FGF14: variants seen among roughly 807,000 people sequenced by gnomAD.
FGF14 encodes fibroblast growth factor 14, also known as fibroblast growth factor homologous factor 4.
FGF14 carries 5 observed loss-of-function variants against 25.5 expected under a neutral mutation model. The ratio of observed to expected loss-of-function variants is 0.20; its 90% CI spans 0.10 to 0.41. FGF14 has a LOEUF of 0.41. Among genes scored for constraint, FGF14 ranks in the 10% least tolerant of loss-of-function variants. The pLI, the probability that FGF14 is intolerant of heterozygous loss-of-function variation, is 1.00. For synonymous variants in FGF14, 138 were observed against 118.3 expected, an observed-to-expected ratio of 1.17 and a Z score of -1.08; for missense variants, 222 against 320.1, an observed-to-expected ratio of 0.69 and a Z score of 2.34.
chr13:102,223,084 T>C (rs1331864107), intron 1 of FGF14, among the ~76,000 whole-genome samples: 2 of 152,216 alleles, frequency 1.3e-5, no homozygotes, highest in African/African-American at 2.4e-5. Flanking sequence ...CCTCATTTTC[T>C]ACAGTTCCAA....
At chr13:102,062,638 C>T (rs2042738459) in intron 1 of FGF14, among the ~76,000 whole-genome samples, 2 of 152,108 alleles carry the variant, frequency 1.3e-5, no homozygotes, top group South Asian at 4.1e-4. Context: ...TGAAATGAAT[C>T]ATTTGAAACA....
At chr13:102,135,233 G>A (rs1286856858) in intron 1 of FGF14, among the ~76,000 whole-genome samples, 1 of 151,908 alleles carries the variant, frequency 6.6e-6, no homozygotes, top group Non-Finnish European at 1.5e-5. Context: ...GAAAAAGACA[G>A]GATAAAAGTC....
At chr13:102,214,696 C>T (rs2050298872) in intron 1 of FGF14, among the ~76,000 whole-genome samples, 1 of 152,178 alleles carries the variant, frequency 6.6e-6, no homozygotes, top group Non-Finnish European at 1.5e-5. Flanking sequence ...ATCAGGGGAT[C>T]TCAACCGGAA....
chr13:102,090,097 A>C, intron 1 of FGF14, among the ~76,000 whole-genome samples: 1 of 152,246 alleles, frequency 6.6e-6, no homozygotes, highest in East Asian at 1.9e-4. Context: ...ACCTAGATAA[A>C]AAGGTCAAAA....
At chr13:101,735,560 C>T (rs1289613748) in intron 3 of FGF14, among the ~76,000 whole-genome samples, 1 of 152,006 alleles carries the variant, frequency 6.6e-6, no homozygotes, top group Non-Finnish European at 1.5e-5. Context: ...AATCTTTCCT[C>T]CTCTTCACGC....
rs2034693431 is a variant in FGF14 at position 101,715,760 on chromosome 13, A to G, written c.*7071T>C. On this transcript the variant is annotated 3_prime_UTR_variant, in exon 5 of 5. Transcript: ENST00000376143. ...ACCACTAGGACAGGTTAAAAAGACC[A>G]TTGTATGTTTTTCTATTTCTGAATT... 7 of 641,674 alleles carry G rather than the reference A, an allele frequency of 1.1e-5. No individual in the cohort carries two copies. The highest frequency in any genetic ancestry group is 1.7e-5 in the Non-Finnish European group (6 of 360,402). 39.7% of individuals were successfully genotyped at this position (641,674 alleles called of 1,614,324 possible). A position where few individuals can be genotyped will look rare whatever the true frequency, so the allele number is the denominator to read the frequency against.
chr13:102,031,307 T>A (rs1402005040), intron 1 of FGF14, among the ~76,000 whole-genome samples: 1 of 152,142 alleles, frequency 6.6e-6, no homozygotes, highest in African/African-American at 2.4e-5. Flanking sequence ...GAGGTGAATG[T>A]AGTTTGCACT....
chr13:101,837,681 A>G (rs887887989), intron 3 of FGF14, among the ~76,000 whole-genome samples: 4 of 152,094 alleles, frequency 2.6e-5, no homozygotes, highest in Admixed American at 6.6e-5. Flanking sequence ...CTCCTAAGTC[A>G]AACTTCCTTA....
intron 3 of FGF14, among the ~76,000 whole-genome samples, chr13:101,788,957 G>GAC (rs1566903973): frequency 6.4e-5 from 2 of 31,052 alleles, no homozygotes; most frequent in Non-Finnish European, 1.5e-4. Flanking sequence ...GACAGAGAGA[G>GAC]AGAGAGAGAG....
chr13:102,234,985 G>A (rs1167161174), intron 1 of FGF14, among the ~76,000 whole-genome samples: 1 of 152,082 alleles, frequency 6.6e-6, no homozygotes, highest in Admixed American at 6.6e-5. Flanking sequence ...TATATCTCAG[G>A]TTTCCACATA....
intron 1 of FGF14, among the ~76,000 whole-genome samples, chr13:101,879,336 T>C (rs2045572894): frequency 6.6e-6 from 1 of 152,192 alleles, no homozygotes; most frequent in Non-Finnish European, 1.5e-5. Flanking sequence ...TAATGAAAAC[T>C]AATGTGCATA....
Position 101,726,790 on chromosome 13 carries a change from G to A in FGF14, c.429C>T (p.Cys143=), listed in dbSNP as rs2035466147. 1 of 1,610,288 alleles carries A rather than the reference G, an allele frequency of 6.2e-7. No homozygotes were observed. Among genetic ancestry groups the A allele is most frequent in the African/African-American group, 1.3e-5 (1 of 74,818 alleles). The change falls in exon 4 of 5, where the codon TGC becomes TGT. Residue 143 remains cysteine (C), a synonymous_variant. Transcript: ENST00000376143. ...TTTCAAAAACAGATTCTTTAAACTT[G>A]CATTCAGGGGTAAAAAGTTCCTGTG... is the stretch of plus-strand genomic sequence containing the variant. ...LYPSELFTPE[C]KFKESVFENY...
intron 1 of FGF14, among the ~76,000 whole-genome samples, chr13:101,932,757 A>T (rs571832172): frequency 0.11 from 5,546 of 52,204 alleles, 362 homozygotes; most frequent in African/African-American, 0.24. Context: ...AAATTACAGT[A>T]AAAAAAAAAA....
At chr13:102,341,326 A>C (rs1006299376) in intron 1 of FGF14, among the ~76,000 whole-genome samples, 1 of 152,168 alleles carries the variant, frequency 6.6e-6, no homozygotes, top group African/African-American at 2.4e-5. Context: ...TGAGGAGACA[A>C]ATTTGTTTTG....
At chr13:102,369,959 C>T (rs2057828553) in intron 1 of FGF14, among the ~76,000 whole-genome samples, 1 of 152,160 alleles carries the variant, frequency 6.6e-6, no homozygotes, top group Non-Finnish European at 1.5e-5. Flanking sequence ...CTCAGAATTA[C>T]CCAGCATTGA....
chr13:102,192,046 C>CA (rs1156715264), intron 1 of FGF14, among the ~76,000 whole-genome samples: 1 of 152,178 alleles, frequency 6.6e-6, no homozygotes, highest in Non-Finnish European at 1.5e-5. Flanking sequence ...ATCCTGCCTC[C>CA]AGGCTTTTAC....
chr13:102,319,376 C>T (rs1285808953), intron 1 of FGF14, among the ~76,000 whole-genome samples: 1 of 152,204 alleles, frequency 6.6e-6, no homozygotes, highest in East Asian at 1.9e-4. Flanking sequence ...TAGATACAGA[C>T]GCCATCAACA....
intron 1 of FGF14, among the ~76,000 whole-genome samples, chr13:102,219,264 C>T (rs751920391): frequency 3.9e-5 from 6 of 152,090 alleles, no homozygotes; most frequent in African/African-American, 9.7e-5. Context: ...TTGGGTGTTG[C>T]GTCCACTCCC....
chr13:101,908,116 T>C (rs1367155173), intron 1 of FGF14, among the ~76,000 whole-genome samples: 2 of 152,108 alleles, frequency 1.3e-5, no homozygotes, highest in Admixed American at 1.3e-4. Context: ...GTAAGAAATA[T>C]GATCCAGTTA....
Sources: gnomAD v4.1 joint callset for allele counts (sites outside exome capture counted in the v4.1 genomes callset) on GRCh38, gnomAD v4.1.1 for gene constraint, MANE v1.5 for transcripts, NCBI Gene and HGNC (gene_info 2026-07-23, HGNC 2026-07-21) for gene names.